The following GNAO1 variants were observed in gnomAD, a reference collection of about 807,000 sequenced individuals.
GNAO1 encodes the protein guanine nucleotide-binding protein G(o) subunit alpha.
For missense variants in GNAO1, 166 were observed against 478.7 expected (o/e 0.35, Z 6.10); for synonymous variants, 164 against 180.7 (o/e 0.91, Z 0.74).
intron 2 of GNAO1, among the ~76,000 whole-genome samples, chr16:56,223,336 A>G (rs1279260758): frequency 6.6e-6 from 1 of 152,224 alleles, no homozygotes; most frequent in Non-Finnish European, 1.5e-5. Flanking sequence ...CTATCTTAAA[A>G]GCCAGCAGTG....
chr16:56,197,125 A>C (rs773873787), intron 2 of GNAO1, among the ~76,000 whole-genome samples: 4 of 152,250 alleles, frequency 2.6e-5, no homozygotes, highest in Non-Finnish European at 5.9e-5. Context: ...CTACTAAATG[A>C]CAGGCATTAA....
chr16:56,193,964 T>C (rs2036206314), intron 2 of GNAO1: 1 of 367,946 alleles, frequency 2.7e-6, no homozygotes, highest in Non-Finnish European at 5.4e-6. Context: ...AGGGAAACAA[T>C]GGAAAATAAA....
intron 3 of GNAO1, among the ~76,000 whole-genome samples, chr16:56,316,029 C>T (rs904638548): frequency 1.4e-4 from 22 of 151,972 alleles, no homozygotes; most frequent in African/African-American, 5.3e-4. Flanking sequence ...CACTGCACTC[C>T]AGCCTGGGCA....
chr16:56,330,611 C>T (rs1391184423), intron 4 of GNAO1, among the ~76,000 whole-genome samples: 1 of 152,214 alleles, frequency 6.6e-6, no homozygotes, highest in Non-Finnish European at 1.5e-5. Context: ...AAAACTTGAT[C>T]CTCTGACTCA....
intron 6 of GNAO1, chr16:56,344,304 G>A: frequency 8.6e-7 from 1 of 1,159,394 alleles, no homozygotes; most frequent in Middle Eastern, 3.6e-4. Flanking sequence ...GTGTCCTCCT[G>A]TCATCTTGGG....
At position 56,192,736 on chromosome 16, in the gene GNAO1, A is replaced by ACG. The variant is rs1303895195; in HGVS notation, c.161+121_161+122insGC. On this transcript the variant is annotated intron_variant, in intron 2 of 8. Coordinates refer to ENST00000262493, the MANE Select transcript of GNAO1 (RefSeq NM_020988.3). The stretch of plus-strand genomic sequence containing the variant: ...TGTTTTTTAATTCGTGCACACACAC[A>ACG]CACACACACACACACCCCTATATTT... The ACG allele has an allele frequency of 2.8e-4, 186 of 663,534 alleles. No homozygotes were observed. The Middle Eastern group carries it at 3.9e-3, about 14-fold the overall frequency. The allele number at this position is 663,534 out of a possible 1,614,324, so 41.1% of individuals were successfully genotyped here. A position where few individuals can be genotyped will look rare whatever the true frequency, so the allele number is the denominator to read the frequency against.
rs2036175462 is a variant in GNAO1 at position 56,191,801 on chromosome 16, C to T, written c.-435C>T. ...TCCTCCTCCGCCGCCGCCGCCTCCT[C>T]CTCCTCCGGCAGCCGCGGCAGCAGG... is the stretch of plus-strand genomic sequence containing the variant. On this transcript the variant is annotated 5_prime_UTR_variant, in exon 1 of 9. Coordinates refer to ENST00000262493, the MANE Select transcript of GNAO1 (RefSeq NM_020988.3). This position sits in a 1 kb window ranked among gnomAD's most constrained non-coding sequence, Gnocchi z 4.7. 8.9e-6 allele frequency: 2 copies of T among 223,518 alleles called. No individual in the cohort carries two copies. The highest frequency in any genetic ancestry group is 1.7e-5 in the Non-Finnish European group (2 of 114,850). 13.8% of individuals were successfully genotyped at this position (223,518 alleles called of 1,614,324 possible). A position where few individuals can be genotyped will look rare whatever the true frequency, so the allele number is the denominator to read the frequency against.
Position 56,311,239 on chromosome 16 carries a change from A to G in GNAO1, c.304-17392A>G, listed in dbSNP as rs1567478758. 6.6e-6 allele frequency among the ~76,000 whole-genome samples: 1 copy of G among 152,100 alleles called. No homozygotes were observed. Among genetic ancestry groups the G allele is most frequent in the Non-Finnish European group, 1.5e-5 (1 of 68,020 alleles). On this transcript the variant is annotated intron_variant, in intron 3 of 8. Transcript: ENST00000262493. The surrounding 1 kb of genome is among the most constrained non-coding windows in gnomAD (Gnocchi z 5.2). Reference sequence around the variant, plus strand: ...GGAGTGACAGGGATGAAGGAAAGCAAGAAATGCCTTGGAGGGGAGTGGAAC... The same window carrying G: ...GGAGTGACAGGGATGAAGGAAAGCAGGAAATGCCTTGGAGGGGAGTGGAAC...
chr16:56,221,607 G>A (rs566867350), intron 2 of GNAO1, among the ~76,000 whole-genome samples: 4 of 139,716 alleles, frequency 2.9e-5, no homozygotes, highest in South Asian at 2.3e-4. Context: ...CCGAGATCGC[G>A]CCACTGCACT....
chr16:56,243,394 G>A (rs1243662871), intron 2 of GNAO1, among the ~76,000 whole-genome samples: 1 of 152,030 alleles, frequency 6.6e-6, no homozygotes, highest in South Asian at 2.1e-4. Context: ...AACCCACAGA[G>A]TGGGAAAAAA....
intron 2 of GNAO1, among the ~76,000 whole-genome samples, chr16:56,243,027 T>G (rs2036709540): frequency 1.3e-5 from 2 of 151,960 alleles, no homozygotes; most frequent in Admixed American, 1.3e-4. Context: ...AACGCTGTTG[T>G]GAACTGTACA....
chr16:56,336,871 T>C lies in GNAO1; in HGVS notation c.723+11T>C, dbSNP rs1436583224. The C allele has an allele frequency of 5.0e-6, 8 of 1,606,250 alleles. No homozygotes were observed. In the African/African-American group the frequency reaches 1.1e-4, roughly 21 times the overall value. ...GAAGACGAAACCACGGTGAGTGGCC[T>C]GGGCCCCCCGGGCAGGGGGCAGCGC... On this transcript the variant is annotated intron_variant, in intron 6 of 8. Transcript: ENST00000262493.
At chr16:56,271,851 C>T (rs2037021076) in intron 2 of GNAO1, among the ~76,000 whole-genome samples, 1 of 152,180 alleles carries the variant, frequency 6.6e-6, no homozygotes, top group Non-Finnish European at 1.5e-5. Flanking sequence ...AACCGAGGCT[C>T]AGGAGATTAA....
At chr16:56,200,198 G>T (rs2036270490) in intron 2 of GNAO1, among the ~76,000 whole-genome samples, 1 of 152,164 alleles carries the variant, frequency 6.6e-6, no homozygotes, top group Non-Finnish European at 1.5e-5. Flanking sequence ...GTGTTTATTT[G>T]TCTGTATCCC....
chr16:56,227,687 CAAAAAAAAAAAAA>C (rs386384777), intron 2 of GNAO1, among the ~76,000 whole-genome samples: 3 of 61,952 alleles, frequency 4.8e-5, no homozygotes, highest in Non-Finnish European at 8.8e-5. Flanking sequence ...GACCCTGTCT[CAAAAAAAAAAAAA>C]AAAAAAAAAA....
At chr16:56,349,729 G>A (rs1420658635) in intron 6 of GNAO1, among the ~76,000 whole-genome samples, 3 of 152,184 alleles carry the variant, frequency 2.0e-5, no homozygotes, top group African/African-American at 7.2e-5. Flanking sequence ...AGCTGTCCAG[G>A]TGCCCCTGAG....
In GNAO1 at chr16:56,354,451, G is replaced by A. The variant is rs1169819769; in HGVS notation, c.878-415G>A. Among the ~76,000 whole-genome samples the A allele has an allele frequency of 6.6e-6, 1 of 152,200 alleles. No individual in the cohort carries two copies. Among genetic ancestry groups the A allele is most frequent in the African/African-American group, 2.4e-5 (1 of 41,448 alleles). ...AGCACTTTGGGAGGCCGAGGCAGGT[G>A]GATCACCTGAGGTCAGGAGTTCGAG... On this transcript the variant is annotated intron_variant, in intron 7 of 8. Coordinates refer to ENST00000262493, the MANE Select transcript of GNAO1 (RefSeq NM_020988.3). The surrounding 1 kb of genome is among the most constrained non-coding windows in gnomAD (Gnocchi z 4.3).
chr16:56,255,766 G>C (rs1441173810), intron 2 of GNAO1, among the ~76,000 whole-genome samples: 1 of 151,994 alleles, frequency 6.6e-6, no homozygotes, highest in Non-Finnish European at 1.5e-5. Flanking sequence ...ATATTTTTAA[G>C]TTAGATCCCC....
At chr16:56,279,419 C>G (rs1225095243) in intron 3 of GNAO1, among the ~76,000 whole-genome samples, 1 of 152,166 alleles carries the variant, frequency 6.6e-6, no homozygotes, top group African/African-American at 2.4e-5. Flanking sequence ...CTGTGGTTTC[C>G]ACACCCCAGG....
Sources: allele counts gnomAD v4.1 joint callset (sites outside exome capture counted in the v4.1 genomes callset), GRCh38; gene constraint gnomAD v4.1.1; non-coding constraint Gnocchi (gnomAD v3.1); transcripts MANE v1.5; gene names NCBI Gene and HGNC (gene_info 2026-07-23, HGNC 2026-07-21).